SGCZ: variants seen among roughly 807,000 people sequenced by gnomAD.
The protein encoded by SGCZ is sarcoglycan zeta, also known as zeta-sarcoglycan.
SGCZ carries 40 observed loss-of-function variants against 41.3 expected under a neutral mutation model. That is an observed-to-expected ratio of 0.97 (90% CI 0.75 to 1.26). The LOEUF (loss-of-function observed/expected upper bound fraction) is 1.26. Ranked by LOEUF, SGCZ falls within the 50% of genes most tolerant of loss-of-function variation. The probability of loss-of-function intolerance (pLI) is 0.00; values close to 1 mark genes in which losing one functional copy is unlikely to be tolerated. For missense variants in SGCZ, 552 were observed against 369.8 expected (o/e 1.49, Z -4.04); for synonymous variants, 206 against 137.5 (o/e 1.50, Z -3.49).
At chr8:14,465,268 T>C (rs1801017297) in intron 2 of SGCZ, among the ~76,000 whole-genome samples, 1 of 151,764 alleles carries the variant, frequency 6.6e-6, no homozygotes, top group East Asian at 1.9e-4. Flanking sequence ...CATAAATGTT[T>C]ATAGTTATTA....
intron 1 of SGCZ, among the ~76,000 whole-genome samples, chr8:14,595,512 G>A (rs1805382771): frequency 6.6e-6 from 1 of 151,580 alleles, no homozygotes; most frequent in African/African-American, 2.4e-5. Context: ...AACACAACAT[G>A]TCAGGCAGAT....
chr8:14,266,477 A>T (rs1366651518), intron 3 of SGCZ, among the ~76,000 whole-genome samples: 1 of 152,148 alleles, frequency 6.6e-6, no homozygotes. Context: ...AATACTGTGT[A>T]GGAATTAGCC....
intron 2 of SGCZ, among the ~76,000 whole-genome samples, chr8:14,534,386 T>C (rs1427301595): frequency 6.6e-6 from 1 of 152,084 alleles, no homozygotes. Context: ...TTAGTGACTA[T>C]TTCTTCTTAC....
At chr8:15,016,111 C>T (rs1803023391) in intron 1 of SGCZ, among the ~76,000 whole-genome samples, 1 of 152,106 alleles carries the variant, frequency 6.6e-6, no homozygotes. Context: ...GTCTTGCTCC[C>T]AACATTAATC....
At chr8:14,334,062 TG>T (rs1253154963) in intron 2 of SGCZ, among the ~76,000 whole-genome samples, 3 of 152,068 alleles carry the variant, frequency 2.0e-5, no homozygotes, top group African/African-American at 7.2e-5. Context: ...CCTCTGTTTT[TG>T]CAAATATTTG....
At chr8:14,149,935 C>T (rs552048219) in intron 5 of SGCZ, among the ~76,000 whole-genome samples, 2 of 152,056 alleles carry the variant, frequency 1.3e-5, no homozygotes, top group African/African-American at 4.8e-5. Context: ...AAAAGACAGT[C>T]TATCAATAAA....
chr8:14,193,470 C>A (rs938936838), intron 4 of SGCZ, among the ~76,000 whole-genome samples: 6 of 151,922 alleles, frequency 3.9e-5, no homozygotes, highest in African/African-American at 1.5e-4. Flanking sequence ...TCAATATACA[C>A]GGACATATAC....
intron 3 of SGCZ, among the ~76,000 whole-genome samples, chr8:14,301,568 G>T (rs925665171): frequency 2.0e-5 from 3 of 152,050 alleles, no homozygotes; most frequent in Admixed American, 2.0e-4. Flanking sequence ...GAAATCTGGG[G>T]TGATAGATAT....
intron 1 of SGCZ, among the ~76,000 whole-genome samples, chr8:14,595,722 AG>A (rs1805390733): frequency 6.6e-6 from 1 of 152,180 alleles, no homozygotes; most frequent in African/African-American, 2.4e-5. Flanking sequence ...GAATGCCTTC[AG>A]GGAAAAAAAT....
intron 2 of SGCZ, among the ~76,000 whole-genome samples, chr8:14,477,584 T>C (rs1406910449): frequency 6.6e-6 from 1 of 151,964 alleles, no homozygotes; most frequent in Non-Finnish European, 1.5e-5. Flanking sequence ...CTACTAAATC[T>C]GTCTAAAACA....
intron 1 of SGCZ, among the ~76,000 whole-genome samples, chr8:14,627,513 C>G (rs1372753784): frequency 1.3e-5 from 2 of 152,122 alleles, no homozygotes; most frequent in Admixed American, 6.6e-5. Context: ...TTAAAGTCCT[C>G]TAGCATCATA....
chr8:14,431,495 G>A (rs766484007), intron 2 of SGCZ, among the ~76,000 whole-genome samples: 1 of 152,256 alleles, frequency 6.6e-6, no homozygotes, highest in Middle Eastern at 3.4e-3. Context: ...ACATGTAGGA[G>A]AATGAAACTG....
intron 1 of SGCZ, among the ~76,000 whole-genome samples, chr8:14,905,166 G>C (rs1333659488): frequency 6.6e-6 from 1 of 151,858 alleles, no homozygotes; most frequent in Non-Finnish European, 1.5e-5. Flanking sequence ...TGACATCATA[G>C]ATGAAGTTAA....
rs142093422 is a variant in SGCZ at position 15,150,594 on chromosome 8, T to C, written c.39+86991A>G. Among the ~76,000 whole-genome samples the C allele has an allele frequency of 3.9e-5, 6 of 152,290 alleles. No homozygotes were observed. The East Asian group carries it at 1.2e-3, about 29-fold the overall frequency. On this transcript the variant is annotated intron_variant, in intron 1 of 7. Transcript: ENST00000382080. ...AATTGAAGTCGGTCCCTGTTGATAC[T>C]TGAACTGAACAAGTATGTTGGGATT...
chr8:14,928,908 C>G (rs1316639288), intron 1 of SGCZ, among the ~76,000 whole-genome samples: 3 of 151,992 alleles, frequency 2.0e-5, no homozygotes, highest in African/African-American at 7.2e-5. Context: ...TAAATTTGTT[C>G]CATTATCAAA....
chr8:14,766,793 G>A (rs1326947298), intron 1 of SGCZ, among the ~76,000 whole-genome samples: 1 of 144,508 alleles, frequency 6.9e-6, no homozygotes, highest in Non-Finnish European at 1.5e-5. Context: ...GCCCAGGCTG[G>A]TCTCCATCTA....
chr8:15,072,509 A>G (rs1190607199), intron 1 of SGCZ, among the ~76,000 whole-genome samples: 2 of 152,182 alleles, frequency 1.3e-5, no homozygotes, highest in Admixed American at 6.5e-5. Flanking sequence ...TATAAAGCCC[A>G]TCAACCCAAC....
intron 1 of SGCZ, among the ~76,000 whole-genome samples, chr8:14,923,034 T>A (rs1300867409): frequency 6.6e-6 from 1 of 152,220 alleles, no homozygotes; most frequent in Non-Finnish European, 1.5e-5. Flanking sequence ...TTTGCACACA[T>A]ATTTGAATTT....
chr8:14,229,269 A>G (rs1011317666), intron 4 of SGCZ, among the ~76,000 whole-genome samples: 6 of 152,208 alleles, frequency 3.9e-5, no homozygotes, highest in South Asian at 4.1e-4. Flanking sequence ...CAGGATGTTT[A>G]AAAAATAATA....
Sources: allele counts gnomAD v4.1 joint callset (sites outside exome capture counted in the v4.1 genomes callset), GRCh38; gene constraint gnomAD v4.1.1; transcripts MANE v1.5; gene names NCBI Gene and HGNC (gene_info 2026-07-23, HGNC 2026-07-21).